The following SMAD3 variants were observed in gnomAD, a reference collection of about 807,000 sequenced individuals.
The protein encoded by SMAD3 is SMAD family member 3.
In SMAD3, 12 loss-of-function variants were observed where a neutral mutation model predicts 51.8. The observed-to-expected ratio is 0.23, with a 90% CI of 0.15 to 0.38. The LOEUF is 0.38. Among genes scored for constraint, SMAD3 ranks in the 10% least tolerant of loss-of-function variants. The probability of loss-of-function intolerance (pLI) is 1.00; values close to 1 mark genes in which losing one functional copy is unlikely to be tolerated. For missense variants in SMAD3, 294 were observed against 565.6 expected (o/e 0.52, Z 4.87); for synonymous variants, 238 against 227.7 (o/e 1.05, Z -0.41).
intron 4 of SMAD3, among the ~76,000 whole-genome samples, chr15:67,167,138 C>T (rs897568576): frequency 3.9e-5 from 6 of 152,158 alleles, no homozygotes; most frequent in African/African-American, 1.4e-4. Flanking sequence ...CCACTTCACC[C>T]GGTCTGGGGA....
chr15:67,120,576 G>A (rs1276783945), intron 1 of SMAD3, among the ~76,000 whole-genome samples: 1 of 152,142 alleles, frequency 6.6e-6, no homozygotes, highest in Non-Finnish European at 1.5e-5. Context: ...AGGGCAGATG[G>A]GCTAGCTGCG....
In SMAD3 at chr15:67,191,381, T is replaced by C. The variant is rs1963361725; in HGVS notation, c.*845T>C. On this transcript the variant is annotated 3_prime_UTR_variant, in exon 9 of 9. Transcript: ENST00000327367. ...GAAGCAGGAGGCCCTTGTCGTGGGA[T>C]GGCATTTGGTCTCAGGCAGCACCAC... 1 of 233,358 alleles carries C rather than the reference T, an allele frequency of 4.3e-6. No homozygotes were observed. Among genetic ancestry groups the C allele is most frequent in the Non-Finnish European group, 8.5e-6 (1 of 118,088 alleles). The allele number at this position is 233,358 out of a possible 1,614,324, so 14.5% of individuals were successfully genotyped here. A position where few individuals can be genotyped will look rare whatever the true frequency, so the allele number is the denominator to read the frequency against.
chr15:67,151,122 G>A lies in SMAD3; in HGVS notation c.207-13773G>A, dbSNP rs570067746. On this transcript the variant is annotated intron_variant, in intron 1 of 8. Transcript: ENST00000327367. Reference sequence around the variant, plus strand: ...GATCTGCCCACCTTGGCTACCCAGAGTGCTGGGATTACAGACGTGAGCCAC... The same window carrying A: ...GATCTGCCCACCTTGGCTACCCAGAATGCTGGGATTACAGACGTGAGCCAC... Among the ~76,000 whole-genome samples the A allele has an allele frequency of 2.6e-5, 4 of 151,882 alleles. No individual in the cohort carries two copies. The South Asian group carries it at 6.2e-4, about 24-fold the overall frequency.
chr15:67,107,153 T>TA lies in SMAD3; in HGVS notation c.206+40807dup, dbSNP rs36055978. Among the ~76,000 whole-genome samples, 224 of 140,812 alleles carry TA rather than the reference T, an allele frequency of 1.6e-3. 2 individuals are homozygous for TA. The highest frequency in any genetic ancestry group is 7.3e-3 in the Middle Eastern group (2 of 274). The allele number at this position is 140,812 out of a possible 152,430, so 92.4% of individuals were successfully genotyped here. A position where few individuals can be genotyped will look rare whatever the true frequency, so the allele number is the denominator to read the frequency against. On this transcript the variant is annotated intron_variant, in intron 1 of 8. Transcript: ENST00000327367. ...CTCAATAAATGTTTACTGAGTGCAT[T>TA]AAAAAAAAAAAAAAGATTTTAATGA...
At chr15:67,136,551 G>A (rs1420658580) in intron 1 of SMAD3, among the ~76,000 whole-genome samples, 1 of 152,038 alleles carries the variant, frequency 6.6e-6, no homozygotes, top group African/African-American at 2.4e-5. Context: ...GGCTGGTCTC[G>A]AACTCCTGAC....
chr15:67,098,994 A>G, intron 1 of SMAD3: 1 of 702,452 alleles, frequency 1.4e-6, no homozygotes, highest in Admixed American at 2.0e-5. Flanking sequence ...AACTGTGGAC[A>G]GAGCGTATGT....
intron 1 of SMAD3, among the ~76,000 whole-genome samples, chr15:67,123,863 C>A (rs2140245611): frequency 6.6e-6 from 1 of 152,324 alleles, no homozygotes; most frequent in East Asian, 1.9e-4. Context: ...TCCAAAAAGC[C>A]TGGAAACAAA....
At chr15:67,093,689 A>C (rs755082326) in intron 1 of SMAD3, among the ~76,000 whole-genome samples, 8 of 152,232 alleles carry the variant, frequency 5.3e-5, no homozygotes, top group Non-Finnish European at 1.2e-4. Flanking sequence ...AAGAAGGGAA[A>C]GAGGAACTGG....
rs1963364174 is a variant in SMAD3, at chr15:67,191,502, A to G, written c.*966A>G. On this transcript the variant is annotated 3_prime_UTR_variant, in exon 9 of 9. Coordinates refer to ENST00000327367, the MANE Select transcript of SMAD3 (RefSeq NM_005902.4). Reference sequence around the variant, plus strand: ...GTAGTCAGTTGCATTCATTAAATCAACTTTATCATATGCTCTTTTAAATGT... The same window carrying G: ...GTAGTCAGTTGCATTCATTAAATCAGCTTTATCATATGCTCTTTTAAATGT... 4.3e-6 allele frequency: 1 copy of G among 233,232 alleles called. No homozygotes were observed. Among genetic ancestry groups the G allele is most frequent in the South Asian group, 1.8e-4 (1 of 5,528 alleles). The allele number at this position is 233,232 out of a possible 1,614,324, so 14.4% of individuals were successfully genotyped here.
intron 5 of SMAD3, among the ~76,000 whole-genome samples, chr15:67,175,284 G>A (rs2094136402): frequency 6.6e-6 from 1 of 152,210 alleles, no homozygotes; most frequent in South Asian, 2.1e-4. Context: ...GTTAAAGGAG[G>A]TGATGGCTTC....
At chr15:67,161,330 T>A (rs988558326) in intron 1 of SMAD3, among the ~76,000 whole-genome samples, 15 of 152,234 alleles carry the variant, frequency 9.9e-5, no homozygotes, top group African/African-American at 3.6e-4. Context: ...GTAGCTCCCT[T>A]GTTTTTAAAA....
At chr15:67,068,364 GTGCGGT>G (rs1959976095) in intron 1 of SMAD3, among the ~76,000 whole-genome samples, 1 of 152,230 alleles carries the variant, frequency 6.6e-6, no homozygotes, top group South Asian at 2.1e-4. Flanking sequence ...ATCTTTGTAT[GTGCGGT>G]TGCTTCTTTA....
intron 1 of SMAD3, among the ~76,000 whole-genome samples, chr15:67,141,626 A>G (rs1566981955): frequency 6.6e-6 from 1 of 152,184 alleles, no homozygotes; most frequent in Non-Finnish European, 1.5e-5. Flanking sequence ...GGCGGCAAAA[A>G]TCACAGAACA....
At position 67,181,248 on chromosome 15, in the gene SMAD3, G is replaced by A. The variant is rs2140313814; in HGVS notation, c.666G>A (p.Gln222=). 8 of 1,612,642 alleles carry A rather than the reference G, an allele frequency of 5.0e-6. No homozygotes were observed. The highest frequency in any genetic ancestry group is 6.8e-6 in the Non-Finnish European group (8 of 1,179,938). The change falls in exon 6 of 9, where the codon CAG becomes CAA. Residue 222 remains glutamine, a synonymous_variant. Coordinates refer to ENST00000327367, the MANE Select transcript of SMAD3 (RefSeq NM_005902.4). ...MSPAHNNLDL[Q]PVTYCEPAFW... ...CCCACCCTGTGTCCACAGACCTGCAGCCAGTTACCTACTGCGAGCCGGCCT... is the reference window on the plus strand; with the variant it reads ...CCCACCCTGTGTCCACAGACCTGCAACCAGTTACCTACTGCGAGCCGGCCT...
chr15:67,098,318 AGGAAGGAGGGAGGGAG>A, intron 1 of SMAD3, among the ~76,000 whole-genome samples: 1 of 108,420 alleles, frequency 9.2e-6, no homozygotes, highest in Admixed American at 9.6e-5. Context: ...TTAAAAAAGA[AGGAAGGAGGGAGGGAG>A]GGAGGGAGGG....
Position 67,144,686 on chromosome 15 carries a change from T to TA in SMAD3, c.207-20208dup, listed in dbSNP as rs138838792. Among the ~76,000 whole-genome samples, 1,260 of 152,314 alleles carry TA rather than the reference T, an allele frequency of 8.3e-3. 21 individuals carry two copies. The highest frequency in any genetic ancestry group is 0.029 in the African/African-American group (1,220 of 41,582). On this transcript the variant is annotated intron_variant, in intron 1 of 8. Coordinates refer to ENST00000327367, the MANE Select transcript of SMAD3 (RefSeq NM_005902.4). Reference sequence around the variant, plus strand: ...CTAGTGCACCATATCCTACATGTGATAGAGCTGCCGTGTTCTTAGACACAA... The same window carrying TA: ...CTAGTGCACCATATCCTACATGTGATAAGAGCTGCCGTGTTCTTAGACACAA...
At chr15:67,158,456 CAG>C (rs1962341724) in intron 1 of SMAD3, among the ~76,000 whole-genome samples, 2 of 152,220 alleles carry the variant, frequency 1.3e-5, no homozygotes, top group Admixed American at 6.5e-5. Context: ...CACAGAGAAG[CAG>C]GGGCATGGTC....
At chr15:67,102,852 G>A (rs1960791431) in intron 1 of SMAD3, among the ~76,000 whole-genome samples, 1 of 152,160 alleles carries the variant, frequency 6.6e-6, no homozygotes, top group Non-Finnish European at 1.5e-5. Flanking sequence ...CCCAGGTGAG[G>A]CTCATCATAG....
Position 67,193,679 on chromosome 15 carries a change from T to C in SMAD3, c.*3143T>C, listed in dbSNP as rs1963425092. 8.6e-6 allele frequency: 2 copies of C among 233,486 alleles called. No individual in the cohort carries two copies. The highest frequency in any genetic ancestry group is 1.2e-4 in the East Asian group (2 of 16,704). The allele number at this position is 233,486 out of a possible 1,614,324, so 14.5% of individuals were successfully genotyped here. Reference sequence around the variant, plus strand: ...CTGGCAGACGTCTCCATTGTCCTTATGTTGTCTGTGTTGTATTTTTTTTTT... The same window carrying C: ...CTGGCAGACGTCTCCATTGTCCTTACGTTGTCTGTGTTGTATTTTTTTTTT... On this transcript the variant is annotated 3_prime_UTR_variant, in exon 9 of 9. Coordinates refer to ENST00000327367, the MANE Select transcript of SMAD3 (RefSeq NM_005902.4).
Sources: gnomAD v4.1 joint callset for allele counts (sites outside exome capture counted in the v4.1 genomes callset) on GRCh38, gnomAD v4.1.1 for gene constraint, MANE v1.5 for transcripts, NCBI Gene and HGNC (gene_info 2026-07-23, HGNC 2026-07-21) for gene names.